The following GUCY2F variants were observed in gnomAD, a reference collection of about 807,000 sequenced individuals.
GUCY2F encodes the protein guanylate cyclase 2F, retinal, also known as retinal guanylyl cyclase 2.
In GUCY2F, 61 loss-of-function variants were observed where a neutral mutation model predicts 73.1. That is an observed-to-expected ratio of 0.83 (90% CI 0.68 to 1.03). The LOEUF (loss-of-function observed/expected upper bound fraction) is 1.03. Ranked by LOEUF, GUCY2F falls within the 50% of genes least tolerant of loss-of-function variation. The pLI is 0.00. For missense variants in GUCY2F, 912 were observed against 854.3 expected (o/e 1.07, Z -0.84); for synonymous variants, 331 against 307.8 (o/e 1.08, Z -0.79).
At chrX:109,470,107 AC>A (rs1932544669) in intron 2 of GUCY2F, among the ~76,000 whole-genome samples, 1 of 111,982 alleles carries the variant, frequency 8.9e-6, no homozygotes, top group Non-Finnish European at 1.9e-5. Flanking sequence ...TGCAATTTGT[AC>A]AGCAATGTTG....
intron 10 of GUCY2F, 82 bp from the exon 11 acceptor site, chrX:109,398,780 T>A: frequency 1.1e-6 from 1 of 871,893 alleles, no homozygotes; most frequent in East Asian, 3.2e-5. Context: ...CAGAGGGTAC[T>A]GTTTTATTGA....
chrX:109,472,226 G>T (rs779055933), intron 2 of GUCY2F, among the ~76,000 whole-genome samples: 4 of 107,487 alleles, frequency 3.7e-5, no homozygotes, highest in Non-Finnish European at 7.7e-5. Context: ...CCACTGCTAC[G>T]GCCACGTGGC....
intron 8 of GUCY2F, among the ~76,000 whole-genome samples, chrX:109,418,687 A>G (rs1418160484): frequency 9.0e-6 from 1 of 111,577 alleles, no homozygotes; most frequent in Non-Finnish European, 1.9e-5. Flanking sequence ...TTAAAAAGAA[A>G]GAATGTTCAA....
intron 8 of GUCY2F, among the ~76,000 whole-genome samples, chrX:109,420,228 A>C (rs752814106): frequency 7.6e-5 from 8 of 105,234 alleles, no homozygotes; most frequent in African/African-American, 1.0e-4. Flanking sequence ...ACCAAAAAAA[A>C]AAAAAGAAGA....
Position 109,404,386 on chromosome X carries a change from A to G in GUCY2F, c.2067T>C (p.Tyr689=), listed in dbSNP as rs1237944852. Residue 689 remains tyrosine, a synonymous_variant, in exon 10 of 20, where the codon TAT becomes TAC. Transcript: ENST00000218006. ...GCATTTCTAAGATGTCGTTAAAGCC[A>G]TAATCTGTCACTTTTAGTACAAAAC... is the stretch of plus-strand genomic sequence containing the variant. The part of the protein sequence containing the change: ...DGRFVLKVTD[Y]GFNDILEMLR... The G allele has an allele frequency of 8.4e-7, 1 of 1,193,348 alleles. No individual in the cohort carries two copies. Among genetic ancestry groups the G allele is most frequent in the Admixed American group, 2.2e-5 (1 of 46,045 alleles).
intron 2 of GUCY2F, among the ~76,000 whole-genome samples, chrX:109,467,321 AGTCAGAGGCTTCGGTTG>A (rs1158952771): frequency 8.9e-6 from 1 of 112,168 alleles, no homozygotes; most frequent in Non-Finnish European, 1.9e-5. Flanking sequence ...AAATGAGTTT[AGTCAGAGGCTTCGGTTG>A]GCCAGTTTGT....
chrX:109,387,472 A>G (rs901107950), intron 15 of GUCY2F, among the ~76,000 whole-genome samples: 1 of 112,221 alleles, frequency 8.9e-6, no homozygotes, highest in Non-Finnish European at 1.9e-5. Flanking sequence ...TTTGATATAG[A>G]AGGCTGAAGC....
chrX:109,460,115 A>G (rs1427248221), intron 3 of GUCY2F, among the ~76,000 whole-genome samples: 1 of 111,963 alleles, frequency 8.9e-6, no homozygotes, highest in Non-Finnish European at 1.9e-5. Context: ...ACCATATAAG[A>G]TAAATAATAA....
Position 109,382,100 on chromosome X carries a change from A to G in GUCY2F, c.3150+18T>C. The G allele has an allele frequency of 9.7e-7, 1 of 1,034,677 alleles. No homozygotes were observed. The highest frequency in any genetic ancestry group is 1.8e-5 in the African/African-American group (1 of 54,245). The allele number at this position is 1,034,677 out of a possible 1,213,427, so 85.3% of individuals were successfully genotyped here. A position where few individuals can be genotyped will look rare whatever the true frequency, so the allele number is the denominator to read the frequency against. ...TGTATCCAAGTAGTCTGGCTCAAAA[A>G]ACAAAAAGACATTATACCTTGAGCT... On this transcript the variant is annotated intron_variant, in intron 17 of 19. Transcript: ENST00000218006.
At chrX:109,475,008 T>C (rs1018525982) in intron 2 of GUCY2F, among the ~76,000 whole-genome samples, 199 bp downstream of exon 2, 12 of 112,265 alleles carry the variant, frequency 1.1e-4, no homozygotes, top group Non-Finnish European at 3.8e-5. Flanking sequence ...CAGAGTTCTT[T>C]GTACTGTTAT....
chrX:109,387,310 T>C (rs1243984948), intron 15 of GUCY2F, among the ~76,000 whole-genome samples: 1 of 112,203 alleles, frequency 8.9e-6, no homozygotes, highest in East Asian at 2.8e-4. Context: ...CAAGACTAAC[T>C]GGAGTAACTA....
At chrX:109,460,329 T>C in intron 3 of GUCY2F, among the ~76,000 whole-genome samples, 1 of 111,552 alleles carries the variant, frequency 9.0e-6, no homozygotes, top group East Asian at 2.8e-4. Flanking sequence ...TGAAATTTCA[T>C]AGCATCAGAA....
At position 109,448,085 on chromosome X, in the gene GUCY2F, G is replaced by A. The variant is rs769924984; in HGVS notation, c.1553C>T (p.Pro518Leu). The A allele has an allele frequency of 9.4e-6, 10 of 1,062,657 alleles. No individual in the cohort carries two copies. In the Admixed American group the frequency reaches 1.3e-4, roughly 14 times the overall value. 87.6% of individuals were successfully genotyped at this position (1,062,657 alleles called of 1,213,427 possible). A position where few individuals can be genotyped will look rare whatever the true frequency, so the allele number is the denominator to read the frequency against. The change falls in exon 6 of 20, where the codon CCC becomes CTC. Residue 518 changes from proline (P) to leucine (L), a missense_variant. Pro to Leu is a moderately conservative substitution (Grantham distance 98). Transcript: ENST00000218006. The stretch of plus-strand genomic sequence containing the variant: ...ACTCCTTACCTTACTGCCAAAGTGG[G>A]GATTGATAAACGTTACATCCTCCAA... ...LTLEDVTFIN[P>L]HFGSKRGSRA...
At chrX:109,409,730 C>A (rs1931062938) in intron 8 of GUCY2F, among the ~76,000 whole-genome samples, 1 of 111,273 alleles carries the variant, frequency 9.0e-6, no homozygotes, top group Non-Finnish European at 1.9e-5. Flanking sequence ...TTCACGAGAT[C>A]TGATGGTTTT....
At position 109,395,332 on chromosome X, in the gene GUCY2F, A is replaced by C. The variant is rs1157838960; in HGVS notation, c.2424+9T>G. On this transcript the variant is annotated intron_variant, in intron 12 of 19. Transcript: ENST00000218006. ...GCTCCTGGGCAATGATAAGATTCAGAGTCCTTACCTGGTTAAATATTTCAT... is the reference window on the plus strand; with the variant it reads ...GCTCCTGGGCAATGATAAGATTCAGCGTCCTTACCTGGTTAAATATTTCAT... 5 of 1,200,187 alleles carry C rather than the reference A, an allele frequency of 4.2e-6. No homozygotes were observed. The highest frequency in any genetic ancestry group is 4.5e-6 in the Non-Finnish European group (4 of 885,725).
chrX:109,431,474 G>A (rs1220279546), intron 7 of GUCY2F, among the ~76,000 whole-genome samples: 2 of 110,815 alleles, frequency 1.8e-5, no homozygotes, highest in African/African-American at 3.3e-5. Flanking sequence ...TGAGGCGGGC[G>A]GATCGCGAGG....
At chrX:109,438,943 C>T (rs1424848162) in intron 7 of GUCY2F, among the ~76,000 whole-genome samples, 2 of 112,908 alleles carry the variant, frequency 1.8e-5, no homozygotes, top group African/African-American at 6.4e-5. Flanking sequence ...GGACTCTCTG[C>T]AGTGGCCCTG....
chrX:109,410,533 G>T (rs1484013167), intron 8 of GUCY2F, among the ~76,000 whole-genome samples: 1 of 112,351 alleles, frequency 8.9e-6, no homozygotes, highest in Non-Finnish European at 1.9e-5. Context: ...AATGTGAGAA[G>T]CATTTAGTGC....
chrX:109,415,731 C>T (rs1472219880), intron 8 of GUCY2F, among the ~76,000 whole-genome samples: 1 of 111,891 alleles, frequency 8.9e-6, no homozygotes, highest in Non-Finnish European at 1.9e-5. Flanking sequence ...ATCTTTGATT[C>T]GATTAATGTG....
Sources: gnomAD v4.1 joint callset for allele counts (sites outside exome capture counted in the v4.1 genomes callset) on GRCh38, gnomAD v4.1.1 for gene constraint, MANE v1.5 for transcripts, NCBI Gene and HGNC (gene_info 2026-07-23, HGNC 2026-07-21) for gene names.